The following CSF1R variants were observed in gnomAD, a reference collection of about 807,000 sequenced individuals.
CSF1R encodes macrophage colony-stimulating factor 1 receptor.
CSF1R carries 40 observed loss-of-function variants against 110.0 expected under a neutral mutation model. That is an observed-to-expected ratio of 0.36 (90% confidence interval 0.28 to 0.47). The LOEUF (loss-of-function observed/expected upper bound fraction) is 0.47, where lower values mean the gene tolerates loss of function less well. CSF1R is among the 20% of genes least tolerant of loss of function. The pLI is 0.99. For missense variants in CSF1R, 1,052 were observed against 1,253.0 expected (o/e 0.84, Z 2.42); for synonymous variants, 523 against 503.4 (o/e 1.04, Z -0.52).
chr5:150,065,559 A>C (rs575727106), intron 10 of CSF1R, among the ~76,000 whole-genome samples: 2 of 152,192 alleles, frequency 1.3e-5, no homozygotes, highest in Non-Finnish European at 2.9e-5. Flanking sequence ...GGCAATGAGG[A>C]GAGGCTGGGC....
intron 1 of CSF1R, among the ~76,000 whole-genome samples, chr5:150,092,419 C>A (rs571346402): frequency 2.7e-5 from 4 of 150,014 alleles, no homozygotes; most frequent in African/African-American, 9.9e-5. Context: ...TAGTACTAAA[C>A]CCTGTATATG....
At chr5:150,087,706 T>C (rs1445627774), upstream of CSF1R, among the ~76,000 whole-genome samples, 2 of 152,150 alleles carry the variant, frequency 1.3e-5, no homozygotes, top group Non-Finnish European at 2.9e-5. Context: ...TTCTTATCTC[T>C]AAAGAACATG....
Position 150,069,860 on chromosome 5 carries a change from G to C in CSF1R, c.1510+13C>G, listed in dbSNP as rs533789269. The stretch of plus-strand genomic sequence containing the variant: ...GGCGGGGGGGCGGTGCGGGTGCGAA[G>C]GCTCCCTCTCACCTGCAGAGATGGG... On this transcript the variant is annotated intron_variant, in intron 9 of 20. Transcript: ENST00000675795. 11 of 1,593,500 alleles carry C rather than the reference G, an allele frequency of 6.9e-6. No individual in the cohort carries two copies. In the South Asian group the frequency reaches 1.2e-4, roughly 18 times the overall value.
upstream of CSF1R, among the ~76,000 whole-genome samples, chr5:150,090,704 AC>A (rs761749959): frequency 6.6e-5 from 10 of 152,240 alleles, no homozygotes; most frequent in African/African-American, 1.2e-4. Context: ...CAACAAAAAA[AC>A]AATTAAATTT....
chr5:150,109,341 A>G (rs1403613520), intron 1 of CSF1R, among the ~76,000 whole-genome samples: 1 of 152,112 alleles, frequency 6.6e-6, no homozygotes, highest in Non-Finnish European at 1.5e-5. Context: ...ACCCTACACC[A>G]TGAGGGACTG....
Position 150,069,916 on chromosome 5 carries a change from GTTGT to G in CSF1R, c.1463_1466del (p.His488ProfsTer123). ...AGGCCCAGGAGCCACTCCCCACGCT[GTTGT>G]GGGCCCTGCACTCGTAGGTTTGGTT... is the stretch of plus-strand genomic sequence containing the variant. On this transcript the variant is annotated frameshift_variant, in exon 9 of 21. Transcript: ENST00000675795. LOFTEE classifies it high-confidence loss of function. The G allele has an allele frequency of 6.2e-7, 1 of 1,614,042 alleles. No homozygotes were observed. The highest frequency in any genetic ancestry group is 1.1e-5 in the South Asian group (1 of 91,086).
chr5:150,061,325 G>A (rs1425875978), intron 12 of CSF1R, among the ~76,000 whole-genome samples, 166 bp downstream of exon 12: 2 of 152,188 alleles, frequency 1.3e-5, no homozygotes, highest in African/African-American at 4.8e-5. Flanking sequence ...CCGGGAGTCA[G>A]AGGGTGCCTG....
intron 1 of CSF1R, among the ~76,000 whole-genome samples, chr5:150,099,007 C>A (rs922788018): frequency 5.3e-5 from 8 of 150,686 alleles, no homozygotes; most frequent in African/African-American, 2.0e-4. Context: ...GATTCTCCTG[C>A]CTCAACCTCC....
intron 16 of CSF1R, 40 bp downstream of exon 16, chr5:150,057,247 G>GT (rs764054281): frequency 2.9e-5 from 45 of 1,573,918 alleles, no homozygotes; most frequent in Non-Finnish European, 3.9e-5. Flanking sequence ...CCGGAGCACA[G>GT]ACCTGGGTGG....
intron 1 of CSF1R, among the ~76,000 whole-genome samples, chr5:150,112,409 A>C (rs1158773928): frequency 2.0e-5 from 3 of 152,186 alleles, no homozygotes; most frequent in Non-Finnish European, 4.4e-5. Flanking sequence ...GATTTTTATC[A>C]ACCTTTGTCT....
intron 1 of CSF1R, among the ~76,000 whole-genome samples, chr5:150,102,511 G>A (rs1217433559): frequency 2.0e-5 from 3 of 151,900 alleles, no homozygotes; most frequent in East Asian, 1.9e-4. Flanking sequence ...ACCGAGTCTC[G>A]CTCTATCACG....
intron 1 of CSF1R, among the ~76,000 whole-genome samples, chr5:150,095,387 A>G (rs189815710): frequency 3.3e-5 from 5 of 152,316 alleles, no homozygotes; most frequent in Admixed American, 2.6e-4. Flanking sequence ...ATCACTTAAG[A>G]TACATCTTTA....
At chr5:150,067,653 G>A (rs890742914) in intron 10 of CSF1R, among the ~76,000 whole-genome samples, 8 of 152,140 alleles carry the variant, frequency 5.3e-5, no homozygotes, top group African/African-American at 1.2e-4. Context: ...ACAGGCCCTC[G>A]TCTTCACTAG....
At chr5:150,081,468 GA>G (rs747828024) in intron 1 of CSF1R, among the ~76,000 whole-genome samples, 3 of 150,992 alleles carry the variant, frequency 2.0e-5, no homozygotes, top group African/African-American at 7.3e-5. Context: ...ATATGGGAAA[GA>G]AAAAAAAAGA....
upstream of CSF1R, among the ~76,000 whole-genome samples, chr5:150,088,146 T>C (rs542142242): frequency 6.6e-6 from 1 of 152,320 alleles, no homozygotes; most frequent in Admixed American, 6.5e-5. Flanking sequence ...TTTGTATGTA[T>C]ATTTATGAGT....
At chr5:150,064,956 T>G (rs1467439861) in intron 10 of CSF1R, among the ~76,000 whole-genome samples, 1 of 152,144 alleles carries the variant, frequency 6.6e-6, no homozygotes, top group Non-Finnish European at 1.5e-5. Flanking sequence ...CAAAGAACTA[T>G]GAGTGAGAGA....
chr5:150,100,305 TTTTTTTTTC>T (rs1219933719), intron 1 of CSF1R, among the ~76,000 whole-genome samples: 4 of 134,226 alleles, frequency 3.0e-5, no homozygotes, highest in Non-Finnish European at 4.8e-5. Context: ...TTTTTTTTTT[TTTTTTTTTC>T]TGAGACGGAG....
chr5:150,096,214 AC>A (rs1759218431), intron 1 of CSF1R, among the ~76,000 whole-genome samples: 1 of 152,124 alleles, frequency 6.6e-6, no homozygotes, highest in African/African-American at 2.4e-5. Flanking sequence ...ACATGGTGAA[AC>A]CCCATCTCTA....
chr5:150,061,433 G>GCCC, intron 12 of CSF1R, 58 bp downstream of exon 12: 1 of 1,009,616 alleles, frequency 9.9e-7, no homozygotes, highest in East Asian at 3.0e-5. Flanking sequence ...ACCAGGGCCA[G>GCCC]CCCACCCCCA....
Sources: allele counts gnomAD v4.1 joint callset (sites outside exome capture counted in the v4.1 genomes callset), GRCh38; gene constraint gnomAD v4.1.1; transcripts MANE v1.5; gene names NCBI Gene and HGNC (gene_info 2026-07-23, HGNC 2026-07-21).